The following CHKA variants were observed in gnomAD, a reference collection of about 807,000 sequenced individuals.
The protein encoded by CHKA is CHETK-alpha.
CHKA carries 34 observed loss-of-function variants against 60.1 expected under a neutral mutation model. That is an observed-to-expected ratio of 0.57 (90% CI 0.43 to 0.75). The LOEUF (loss-of-function observed/expected upper bound fraction) is 0.75. Among genes scored for constraint, CHKA ranks in the 30% least tolerant of loss-of-function variants. CHKA has a pLI of 0.00. For missense variants in CHKA, 563 were observed against 561.3 expected (o/e 1.00, Z -0.03); for synonymous variants, 217 against 223.1 (o/e 0.97, Z 0.24).
At chr11:68,080,967 A>G (rs1251825183) in intron 3 of CHKA, among the ~76,000 whole-genome samples, 1 of 152,218 alleles carries the variant, frequency 6.6e-6, no homozygotes, top group Non-Finnish European at 1.5e-5. Context: ...ATAGGAAAAA[A>G]CATTGCTGTT....
At chr11:68,119,982 A>C (rs1047650989) in intron 1 of CHKA, among the ~76,000 whole-genome samples, 10 of 152,232 alleles carry the variant, frequency 6.6e-5, no homozygotes, top group African/African-American at 2.4e-4. Flanking sequence ...TAATCCCAAC[A>C]TTTTGGGAGG....
intron 1 of CHKA, among the ~76,000 whole-genome samples, chr11:68,106,733 T>G (rs141617136): frequency 6.6e-6 from 1 of 152,150 alleles, no homozygotes; most frequent in Non-Finnish European, 1.5e-5. Context: ...CAGCACCAAT[T>G]GCAAAGCAAA....
intron 3 of CHKA, among the ~76,000 whole-genome samples, chr11:68,078,591 T>G (rs964372475): frequency 4.6e-5 from 7 of 152,216 alleles, no homozygotes; most frequent in Non-Finnish European, 7.3e-5. Flanking sequence ...GAAGTTTCAT[T>G]TATTTAAAAC....
chr11:68,061,523 G>C (rs557235815), intron 11 of CHKA: 74 of 287,672 alleles, frequency 2.6e-4, no homozygotes, highest in South Asian at 2.3e-3. Context: ...GGCACTACAG[G>C]CTGGAGAATG....
At chr11:68,090,228 C>T (rs918765392) in intron 2 of CHKA, among the ~76,000 whole-genome samples, 2 of 152,132 alleles carry the variant, frequency 1.3e-5, no homozygotes, top group Admixed American at 1.3e-4. Flanking sequence ...CAAATGGGAA[C>T]GCACAACACT....
At chr11:68,108,854 C>T (rs918277662) in intron 1 of CHKA, among the ~76,000 whole-genome samples, 19 of 152,162 alleles carry the variant, frequency 1.2e-4, no homozygotes, top group African/African-American at 4.1e-4. Context: ...ACCAAATCAG[C>T]ACTAGGGTAG....
intron 2 of CHKA, 132 bp downstream of exon 2, chr11:68,096,887 G>T: frequency 1.8e-6 from 1 of 570,414 alleles, no homozygotes; most frequent in South Asian, 3.3e-5. Flanking sequence ...TAAAGTAAAA[G>T]TAAAAGCAAT....
intron 1 of CHKA, among the ~76,000 whole-genome samples, chr11:68,101,579 C>T (rs755090247): frequency 6.6e-6 from 1 of 151,156 alleles, no homozygotes; most frequent in Non-Finnish European, 1.5e-5. Context: ...GCTGTGATCA[C>T]GCCACTGCAT....
chr11:68,061,757 G>A, intron 11 of CHKA, 196 bp downstream of exon 11: 2 of 622,608 alleles, frequency 3.2e-6, no homozygotes, highest in Non-Finnish European at 6.0e-6. Context: ...CAGCATCAGT[G>A]ACAGCGGCTT....
chr11:68,093,635 T>C (rs555039556), intron 2 of CHKA, among the ~76,000 whole-genome samples: 6 of 152,374 alleles, frequency 3.9e-5, no homozygotes, highest in Non-Finnish European at 8.8e-5. Context: ...ATTTAACTAC[T>C]GTCAGGTACT....
At chr11:68,112,581 T>C (rs1176237832) in intron 1 of CHKA, among the ~76,000 whole-genome samples, 1 of 152,064 alleles carries the variant, frequency 6.6e-6, no homozygotes, top group Non-Finnish European at 1.5e-5. Flanking sequence ...AGATACAGCA[T>C]CAAAAGCATG....
chr11:68,074,933 T>C (rs1411379751), intron 3 of CHKA, 103 bp from the exon 4 acceptor site: 1 of 985,538 alleles, frequency 1.0e-6, no homozygotes, highest in Non-Finnish European at 1.6e-6. Context: ...TCATGAGTAT[T>C]CTTTCACGTG....
At position 68,066,542 on chromosome 11, in the gene CHKA, TTA is replaced by T. The variant is rs762581147; in HGVS notation, c.929-28_929-27del. The T allele has an allele frequency of 9.5e-6, 15 of 1,573,092 alleles. No individual in the cohort carries two copies. In the African/African-American group the frequency reaches 1.9e-4, roughly 20 times the overall value. On this transcript the variant is annotated intron_variant, in intron 7 of 11. Transcript: ENST00000265689. The stretch of plus-strand genomic sequence containing the variant: ...CTGCAAAAGGTTTGGATAACATGGT[TTA>T]TGTTTTACAATAGAAGGCTCAAGTC...
chr11:68,066,607 T>C lies in CHKA; in HGVS notation c.929-91A>G, dbSNP rs759460471. 92 of 978,262 alleles carry C rather than the reference T, an allele frequency of 9.4e-5. 1 individual carries two copies. The Middle Eastern group carries it at 1.3e-3, about 13-fold the overall frequency. The allele number at this position is 978,262 out of a possible 1,614,324, so 60.6% of individuals were successfully genotyped here. A position where few individuals can be genotyped will look rare whatever the true frequency, so the allele number is the denominator to read the frequency against. The stretch of plus-strand genomic sequence containing the variant: ...AGCCGAGAGAATGGATTTGATCCCT[T>C]AGGGAATCCTAACTGAATGTGGCTT... On this transcript the variant is annotated intron_variant, in intron 7 of 11. Coordinates refer to ENST00000265689, the MANE Select transcript of CHKA (RefSeq NM_001277.3).
chr11:68,107,839 G>C (rs1426823644), intron 1 of CHKA, among the ~76,000 whole-genome samples: 4 of 152,172 alleles, frequency 2.6e-5, no homozygotes, highest in Admixed American at 2.6e-4. Context: ...TAAAGTGCTT[G>C]CATCCCTTCT....
chr11:68,096,283 C>T (rs1488286598), intron 2 of CHKA, among the ~76,000 whole-genome samples: 1 of 152,058 alleles, frequency 6.6e-6, no homozygotes. Context: ...ATCACTTGAA[C>T]CCGGGAGGCA....
At chr11:68,064,102 A>C (rs1001592266) in intron 10 of CHKA, among the ~76,000 whole-genome samples, 1 of 152,194 alleles carries the variant, frequency 6.6e-6, no homozygotes, top group Non-Finnish European at 1.5e-5. Flanking sequence ...AGTCCTAAAG[A>C]TGTACGATTA....
chr11:68,056,855 A>G (rs1276529058), intron 11 of CHKA, among the ~76,000 whole-genome samples: 4 of 152,110 alleles, frequency 2.6e-5, no homozygotes, highest in African/African-American at 9.7e-5. Context: ...AAAAAAAAAA[A>G]GTAATACACT....
chr11:68,087,131 T>C (rs1416649323), intron 2 of CHKA, among the ~76,000 whole-genome samples: 3 of 152,208 alleles, frequency 2.0e-5, no homozygotes, highest in East Asian at 1.9e-4. Flanking sequence ...ATGTCATCAA[T>C]AGCAAAATAA....
Sources: gnomAD v4.1 joint callset for allele counts (sites outside exome capture counted in the v4.1 genomes callset) on GRCh38, gnomAD v4.1.1 for gene constraint, MANE v1.5 for transcripts, NCBI Gene and HGNC (gene_info 2026-07-23, HGNC 2026-07-21) for gene names.